DRC11: variants seen among roughly 807,000 people sequenced by gnomAD.
The protein encoded by DRC11 is dynein regulatory complex subunit 11.
chr2:236,404,326 G>A, the DRC11 span, among the ~76,000 whole-genome samples: 1 of 151,916 alleles, frequency 6.6e-6, no homozygotes, highest in Non-Finnish European at 1.5e-5. Context: ...ACCACCCCAG[G>A]CAGCTAGACT....
At chr2:236,459,615 A>ATGTGT in the DRC11 span, among the ~76,000 whole-genome samples, 1 of 121,364 alleles carries the variant, frequency 8.2e-6, no homozygotes, top group Non-Finnish European at 1.8e-5. Flanking sequence ...ATACGTATAT[A>ATGTGT]AGTATATACA....
the DRC11 span, among the ~76,000 whole-genome samples, chr2:236,455,988 G>C: frequency 6.6e-6 from 1 of 152,020 alleles, no homozygotes; most frequent in African/African-American, 2.4e-5. This position sits in a 1 kb window ranked among gnomAD's most constrained non-coding sequence, Gnocchi z 5.7. Flanking sequence ...CCACCAGCCA[G>C]CCTCTCCTTT....
the DRC11 span, among the ~76,000 whole-genome samples, chr2:236,309,203 C>T: frequency 1.3e-5 from 2 of 152,202 alleles, no homozygotes; most frequent in Non-Finnish European, 2.9e-5. The surrounding 1 kb of genome is among the most constrained non-coding windows in gnomAD (Gnocchi z 5.7). Context: ...AGGCACTCCC[C>T]GAGGTTGTGC....
the DRC11 span, among the ~76,000 whole-genome samples, chr2:236,483,893 T>C: frequency 6.6e-6 from 1 of 152,194 alleles, no homozygotes; most frequent in East Asian, 1.9e-4. This position sits in a 1 kb window ranked among gnomAD's most constrained non-coding sequence, Gnocchi z 4.8. Context: ...AAAAGAAAAC[T>C]GAATATTTAT....
At chr2:236,472,748 C>T in the DRC11 span, among the ~76,000 whole-genome samples, 5 of 152,314 alleles carry the variant, frequency 3.3e-5, no homozygotes, top group South Asian at 6.2e-4. This position sits in a 1 kb window ranked among gnomAD's most constrained non-coding sequence, Gnocchi z 4.6. Context: ...CACTCTCCAG[C>T]CCCTACAGAA....
At chr2:236,313,891 G>C in the DRC11 span, among the ~76,000 whole-genome samples, 1 of 152,126 alleles carries the variant, frequency 6.6e-6, no homozygotes, top group Non-Finnish European at 1.5e-5. This position sits in a 1 kb window ranked among gnomAD's most constrained non-coding sequence, Gnocchi z 4.5. Context: ...ATTCTTGGTT[G>C]CCAAGGCTTA....
the DRC11 span, among the ~76,000 whole-genome samples, chr2:236,435,363 A>G: frequency 6.6e-6 from 1 of 152,244 alleles, no homozygotes; most frequent in South Asian, 2.1e-4. Context: ...CCGCCTGCCC[A>G]TTTTTGAAAT....
the DRC11 span, chr2:236,392,214 G>T: frequency 6.8e-7 from 1 of 1,479,560 alleles, no homozygotes; most frequent in Non-Finnish European, 9.4e-7. This position sits in a 1 kb window ranked among gnomAD's most constrained non-coding sequence, Gnocchi z 5.1. Context: ...TAAATGATTT[G>T]CTGTTACTAC....
chr2:236,505,167 C>T, the DRC11 span, among the ~76,000 whole-genome samples: 11 of 152,276 alleles, frequency 7.2e-5, no homozygotes, highest in African/African-American at 2.6e-4. Context: ...AGTCAGGAGG[C>T]TTGTGGATGA....
chr2:236,370,931 CTG>C, the DRC11 span, among the ~76,000 whole-genome samples: 1 of 152,120 alleles, frequency 6.6e-6, no homozygotes, highest in Non-Finnish European at 1.5e-5. The surrounding 1 kb of genome is among the most constrained non-coding windows in gnomAD (Gnocchi z 5.5). Context: ...CTCTTATCTG[CTG>C]TGATTCTAAT....
chr2:236,474,520 A>G, the DRC11 span, among the ~76,000 whole-genome samples: 1 of 152,208 alleles, frequency 6.6e-6, no homozygotes, highest in Non-Finnish European at 1.5e-5. Context: ...ATGGAACTCT[A>G]ATTAAATAGA....
At chr2:236,459,112 T>C in the DRC11 span, among the ~76,000 whole-genome samples, 9 of 152,088 alleles carry the variant, frequency 5.9e-5, no homozygotes, top group African/African-American at 2.2e-4. Flanking sequence ...AGCTTTAGCA[T>C]CTGTAATACA....
At chr2:236,370,949 T>C in the DRC11 span, among the ~76,000 whole-genome samples, 4 of 152,144 alleles carry the variant, frequency 2.6e-5, no homozygotes, top group Admixed American at 6.5e-5. This position sits in a 1 kb window ranked among gnomAD's most constrained non-coding sequence, Gnocchi z 5.5. Flanking sequence ...CTAATGACTG[T>C]TGAGATTCTA....
At chr2:236,314,848 C>G in the DRC11 span, among the ~76,000 whole-genome samples, 3 of 152,086 alleles carry the variant, frequency 2.0e-5, no homozygotes. The surrounding 1 kb of genome is among the most constrained non-coding windows in gnomAD (Gnocchi z 4.5). Context: ...CTGGAAAACT[C>G]AATAATGTAA....
chr2:236,482,905 TA>T, the DRC11 span, among the ~76,000 whole-genome samples: 3 of 152,184 alleles, frequency 2.0e-5, no homozygotes, highest in Admixed American at 1.3e-4. This position sits in a 1 kb window ranked among gnomAD's most constrained non-coding sequence, Gnocchi z 4.5. Context: ...GAACATAATA[TA>T]AAACATACCA....
chr2:236,400,537 C>T, the DRC11 span, among the ~76,000 whole-genome samples: 1 of 152,346 alleles, frequency 6.6e-6, no homozygotes, highest in South Asian at 2.1e-4. This position sits in a 1 kb window ranked among gnomAD's most constrained non-coding sequence, Gnocchi z 7.9. Context: ...AGTCTGGTTT[C>T]CGATGACCAC....
the DRC11 span, among the ~76,000 whole-genome samples, chr2:236,462,727 C>A: frequency 2.0e-5 from 3 of 152,088 alleles, no homozygotes; most frequent in Non-Finnish European, 4.4e-5. The surrounding 1 kb of genome is among the most constrained non-coding windows in gnomAD (Gnocchi z 6.4). Context: ...GTGTGCCTGG[C>A]ACTCTTTGCC....
chr2:236,416,545 C>T, the DRC11 span, among the ~76,000 whole-genome samples: 168 of 151,034 alleles, frequency 1.1e-3, 2 homozygotes, highest in Middle Eastern at 0.01. Flanking sequence ...ATCAGTGGAA[C>T]GTGGTTAAAG....
At chr2:236,316,496 A>T in the DRC11 span, among the ~76,000 whole-genome samples, 13 of 152,296 alleles carry the variant, frequency 8.5e-5, no homozygotes, top group South Asian at 2.5e-3. The surrounding 1 kb of genome is among the most constrained non-coding windows in gnomAD (Gnocchi z 6.8). Context: ...AGTGAGATGG[A>T]AGCTAAAGAG....
Sources: allele counts gnomAD v4.1 joint callset (sites outside exome capture counted in the v4.1 genomes callset), GRCh38; gene constraint gnomAD v4.1.1; non-coding constraint Gnocchi (gnomAD v3.1); transcripts MANE v1.5; gene names NCBI Gene and HGNC (gene_info 2026-07-23, HGNC 2026-07-21).